BTBD9: variants seen among roughly 807,000 people sequenced by gnomAD.
The protein encoded by BTBD9 is BTB domain containing 9.
A neutral mutation model predicts 64.3 loss-of-function variants in BTBD9; 49 were observed. That is an observed-to-expected ratio of 0.76 (90% CI 0.61 to 0.97). The LOEUF (loss-of-function observed/expected upper bound fraction) is 0.97, where lower values mean the gene tolerates loss of function less well. Among genes scored for constraint, BTBD9 ranks in the 50% least tolerant of loss-of-function variants. The probability of loss-of-function intolerance (pLI) is 0.00; values close to 1 mark genes in which losing one functional copy is unlikely to be tolerated. For missense variants in BTBD9, 598 were observed against 762.1 expected (o/e 0.78, Z 2.53); for synonymous variants, 260 against 274.7 (o/e 0.95, Z 0.53).
At chr6:38,574,969 G>C (rs568819870) in intron 6 of BTBD9, among the ~76,000 whole-genome samples, 1 of 152,260 alleles carries the variant, frequency 6.6e-6, no homozygotes, top group South Asian at 2.1e-4. Flanking sequence ...GAGAGAGGAC[G>C]GGGTAATCTC....
intron 6 of BTBD9, among the ~76,000 whole-genome samples, chr6:38,538,800 T>C (rs1582598719): frequency 6.6e-6 from 1 of 151,956 alleles, no homozygotes; most frequent in Non-Finnish European, 1.5e-5. Context: ...TTTTTTCTTT[T>C]TGAGACAGAG....
At chr6:38,374,317 A>ATATATGTG (rs1765591671) in intron 6 of BTBD9, among the ~76,000 whole-genome samples, 1 of 111,412 alleles carries the variant, frequency 9.0e-6, no homozygotes, top group African/African-American at 3.5e-5. Context: ...GTATATATAT[A>ATATATGTG]TATATATATG....
intron 6 of BTBD9, among the ~76,000 whole-genome samples, chr6:38,459,736 C>T (rs1769987447): frequency 6.6e-6 from 1 of 152,184 alleles, no homozygotes; most frequent in African/African-American, 2.4e-5. Context: ...TACACCTTCA[C>T]AGTTAAAAAT....
At chr6:38,581,141 G>C (rs966127865) in intron 4 of BTBD9, among the ~76,000 whole-genome samples, 2 of 152,296 alleles carry the variant, frequency 1.3e-5, no homozygotes, top group African/African-American at 4.8e-5. Context: ...GCGATGAGCT[G>C]AGATCGCGCC....
intron 6 of BTBD9, among the ~76,000 whole-genome samples, chr6:38,571,034 T>C (rs1562355964): frequency 6.6e-6 from 1 of 152,236 alleles, no homozygotes; most frequent in Admixed American, 6.5e-5. Context: ...TCTTGCTAGT[T>C]CAATTGTAAT....
intron 9 of BTBD9, among the ~76,000 whole-genome samples, chr6:38,213,318 A>ATAT (rs1762898044): frequency 6.6e-6 from 1 of 152,206 alleles, no homozygotes; most frequent in South Asian, 2.1e-4. Flanking sequence ...TAAGGGCCTG[A>ATAT]TATTTGCAGC....
At chr6:38,218,957 G>A (rs1046075747) in intron 9 of BTBD9, among the ~76,000 whole-genome samples, 1 of 151,962 alleles carries the variant, frequency 6.6e-6, no homozygotes, top group Non-Finnish European at 1.5e-5. Flanking sequence ...TGGAGTACCC[G>A]CCCAGGCTGT....
chr6:38,372,094 G>A (rs1765450814), intron 6 of BTBD9, among the ~76,000 whole-genome samples: 1 of 152,128 alleles, frequency 6.6e-6, no homozygotes, highest in Non-Finnish European at 1.5e-5. Context: ...ATCACAAAAT[G>A]CACATAATTC....
At chr6:38,505,881 C>T (rs1165008060) in intron 6 of BTBD9, among the ~76,000 whole-genome samples, 1 of 139,264 alleles carries the variant, frequency 7.2e-6, no homozygotes, top group Non-Finnish European at 1.5e-5. Context: ...GGAAGAATCA[C>T]TGGAACCCGG....
intron 1 of BTBD9, among the ~76,000 whole-genome samples, chr6:38,600,123 CACA>C (rs1165477092): frequency 2.0e-5 from 3 of 152,166 alleles, no homozygotes; most frequent in Admixed American, 6.5e-5. Flanking sequence ...AATGTGTACA[CACA>C]ACAACTGTGT....
intron 7 of BTBD9, among the ~76,000 whole-genome samples, chr6:38,342,158 T>C (rs2127588327): frequency 6.6e-6 from 1 of 152,136 alleles, no homozygotes; most frequent in South Asian, 2.1e-4. Flanking sequence ...TTTTAAGGCC[T>C]AGAGAATAAC....
At chr6:38,259,326 T>C (rs1363942830) in intron 8 of BTBD9, among the ~76,000 whole-genome samples, 2 of 152,354 alleles carry the variant, frequency 1.3e-5, no homozygotes, top group East Asian at 1.9e-4. Context: ...AAGTTCAGTT[T>C]AGTATCACAT....
At chr6:38,593,742 C>T (rs1475812649) in intron 3 of BTBD9, among the ~76,000 whole-genome samples, 2 of 152,196 alleles carry the variant, frequency 1.3e-5, no homozygotes, top group African/African-American at 2.4e-5. Flanking sequence ...GCACATAAAA[C>T]TTACCTGAAG....
intron 10 of BTBD9, among the ~76,000 whole-genome samples, chr6:38,178,098 A>G (rs1761364764): frequency 6.6e-6 from 1 of 152,212 alleles, no homozygotes; most frequent in South Asian, 2.1e-4. Flanking sequence ...AACTAAATGA[A>G]GTGCAGTCTC....
chr6:38,198,594 T>C (rs796104531), intron 9 of BTBD9, among the ~76,000 whole-genome samples: 9 of 152,294 alleles, frequency 5.9e-5, no homozygotes, highest in African/African-American at 2.2e-4. Flanking sequence ...GAAAACTATG[T>C]GACTCTACTG....
chr6:38,569,216 A>G lies in BTBD9; in HGVS notation c.1154+8384T>C, dbSNP rs80088939. Among the ~76,000 whole-genome samples the G allele has an allele frequency of 6.3e-3, 962 of 152,306 alleles. 9 individuals are homozygous for G. The highest frequency in any genetic ancestry group is 0.022 in the African/African-American group (899 of 41,572). On this transcript the variant is annotated intron_variant, in intron 6 of 10. Transcript: ENST00000481247. Reference sequence around the variant, plus strand: ...TATTTTGCCTGGAAGGGCAAAAACTATATCATGAAATTCTTGACAGCGGCC... The same window carrying G: ...TATTTTGCCTGGAAGGGCAAAAACTGTATCATGAAATTCTTGACAGCGGCC...
chr6:38,237,566 C>G (rs1008158008), intron 9 of BTBD9, among the ~76,000 whole-genome samples: 1 of 152,198 alleles, frequency 6.6e-6, no homozygotes, highest in African/African-American at 2.4e-5. Flanking sequence ...ACAAAATCAA[C>G]AGTTTCTGGT....
intron 1 of BTBD9, among the ~76,000 whole-genome samples, chr6:38,602,662 G>C (rs898996713): frequency 2.0e-5 from 3 of 151,850 alleles, no homozygotes; most frequent in Non-Finnish European, 4.4e-5. Context: ...ATGTCAGTAA[G>C]TTTGGCCACA....
intron 1 of BTBD9, among the ~76,000 whole-genome samples, chr6:38,601,070 G>A (rs536658464): frequency 1.3e-5 from 2 of 152,112 alleles, no homozygotes; most frequent in South Asian, 2.1e-4. Context: ...AAAGATGCTC[G>A]AGTCCCACTC....
Sources: allele counts gnomAD v4.1 joint callset (sites outside exome capture counted in the v4.1 genomes callset), GRCh38; gene constraint gnomAD v4.1.1; transcripts MANE v1.5; gene names NCBI Gene and HGNC (gene_info 2026-07-23, HGNC 2026-07-21).